PLCB1: variants seen among roughly 807,000 people sequenced by gnomAD.
PLCB1 encodes 1-phosphatidylinositol 4,5-bisphosphate phosphodiesterase beta-1.
PLCB1 carries 46 observed loss-of-function variants against 161.8 expected under a neutral mutation model. The ratio of observed to expected loss-of-function variants is 0.28; its 90% CI spans 0.22 to 0.36. The LOEUF is 0.36. PLCB1 is among the 10% of genes least tolerant of loss of function. The pLI is 1.00. For missense variants in PLCB1, 1,016 were observed against 1,472.5 expected (o/e 0.69, Z 5.07); for synonymous variants, 517 against 503.7 (o/e 1.03, Z -0.35).
intron 31 of PLCB1, among the ~76,000 whole-genome samples, chr20:8,804,747 T>G (rs1416077557): frequency 6.6e-6 from 1 of 152,102 alleles, no homozygotes; most frequent in Non-Finnish European, 1.5e-5. Flanking sequence ...CTCAGCACTT[T>G]GGGAGGCCGA....
At chr20:8,594,003 G>A (rs1987241930) in intron 3 of PLCB1, among the ~76,000 whole-genome samples, 1 of 152,058 alleles carries the variant, frequency 6.6e-6, no homozygotes, top group Admixed American at 6.6e-5. Flanking sequence ...TCCACCCTCA[G>A]CCTCCTAAGT....
intron 2 of PLCB1, among the ~76,000 whole-genome samples, chr20:8,286,889 A>T (rs1983146635): frequency 6.6e-6 from 1 of 152,108 alleles, no homozygotes; most frequent in African/African-American, 2.4e-5. Context: ...TTTGGCCTGG[A>T]CAGGGTGAAA....
At chr20:8,542,274 A>T (rs3817879) in intron 3 of PLCB1, among the ~76,000 whole-genome samples, 3 of 152,064 alleles carry the variant, frequency 2.0e-5, no homozygotes, top group Non-Finnish European at 4.4e-5. Flanking sequence ...TTGTCTAAGC[A>T]GAAAGGGTAG....
intron 4 of PLCB1, among the ~76,000 whole-genome samples, chr20:8,644,248 G>C (rs1989066329): frequency 6.6e-6 from 1 of 151,954 alleles, no homozygotes; most frequent in African/African-American, 2.4e-5. Flanking sequence ...GTCTCTGCCT[G>C]GCCGCCCATC....
chr20:8,677,183 C>T (rs912332837), intron 9 of PLCB1, among the ~76,000 whole-genome samples: 15 of 152,062 alleles, frequency 9.9e-5, no homozygotes, highest in Non-Finnish European at 1.8e-4. Flanking sequence ...CACCTGAGGT[C>T]GGGAGTTTGA....
At chr20:8,472,949 G>A (rs2294554) in intron 3 of PLCB1, among the ~76,000 whole-genome samples, 33,387 of 151,966 alleles carry the variant, frequency 0.22, 3,972 homozygotes, top group Non-Finnish European at 0.28. Flanking sequence ...TCACATGGCC[G>A]GCATTCTTCC....
At chr20:8,376,634 AAG>A (rs1373749056) in intron 3 of PLCB1, among the ~76,000 whole-genome samples, 1 of 152,158 alleles carries the variant, frequency 6.6e-6, no homozygotes, top group Non-Finnish European at 1.5e-5. Flanking sequence ...GGTCTTAAAA[AAG>A]AAAAGAAATC....
At chr20:8,136,393 G>A (rs1299512835) in intron 1 of PLCB1, among the ~76,000 whole-genome samples, 6 of 152,252 alleles carry the variant, frequency 3.9e-5, no homozygotes, top group Admixed American at 2.0e-4. Context: ...TTGGGAAGCC[G>A]AGGCGGGCAG....
chr20:8,228,882 T>A (rs2123178409), intron 2 of PLCB1, among the ~76,000 whole-genome samples: 1 of 152,284 alleles, frequency 6.6e-6, no homozygotes, highest in South Asian at 2.1e-4. Flanking sequence ...AAGCTCACAA[T>A]TTGTTTTGTT....
At chr20:8,689,422 C>T (rs1402528982) in intron 10 of PLCB1, among the ~76,000 whole-genome samples, 9 of 152,026 alleles carry the variant, frequency 5.9e-5, no homozygotes, top group African/African-American at 1.7e-4. Context: ...GTTTTGTTCC[C>T]GTTCTCAGGA....
At position 8,784,119 on chromosome 20, in the gene PLCB1, A is replaced by C. The variant is rs1307169000; in HGVS notation, c.3112-4330A>C. ...CCATATAAAATCCCATTGCCAATTT[A>C]ATGTGAGTTGGGCGGTAGTGGCATA... is the stretch of plus-strand genomic sequence containing the variant. On this transcript the variant is annotated intron_variant, in intron 27 of 31. Coordinates refer to ENST00000338037, the MANE Select transcript of PLCB1 (RefSeq NM_015192.4). 2.6e-5 allele frequency among the ~76,000 whole-genome samples: 4 copies of C among 152,214 alleles called. No homozygotes were observed. The East Asian group carries it at 5.8e-4, about 22-fold the overall frequency.
intron 3 of PLCB1, among the ~76,000 whole-genome samples, chr20:8,569,453 G>A (rs1284248051): frequency 1.3e-5 from 2 of 152,132 alleles, no homozygotes; most frequent in East Asian, 3.9e-4. Context: ...GCAGGGTACT[G>A]TTGGTACTAA....
chr20:8,391,183 G>A (rs950530395), intron 3 of PLCB1, among the ~76,000 whole-genome samples: 3 of 151,010 alleles, frequency 2.0e-5, no homozygotes, highest in African/African-American at 7.3e-5. Context: ...TATAATCTAT[G>A]TATAAGAGAT....
intron 3 of PLCB1, among the ~76,000 whole-genome samples, chr20:8,599,515 C>T (rs1158340792): frequency 8.0e-6 from 1 of 125,052 alleles, no homozygotes; most frequent in Admixed American, 7.9e-5. Flanking sequence ...CGACCTTTCT[C>T]TCTGGCTGCC....
chr20:8,341,790 A>G (rs910185710), intron 2 of PLCB1, among the ~76,000 whole-genome samples: 1 of 152,218 alleles, frequency 6.6e-6, no homozygotes, highest in African/African-American at 2.4e-5. Context: ...ATGACCTGCT[A>G]TGTGCTAATT....
In PLCB1 at chr20:8,881,742, GC is replaced by G. The variant is rs2146337666; in HGVS notation, c.3548del (p.Pro1183LeufsTer11). The G allele has an allele frequency of 6.2e-7, 1 of 1,614,042 alleles. No homozygotes were observed. The highest frequency in any genetic ancestry group is 8.5e-7 in the Non-Finnish European group (1 of 1,179,952). ...CAGTGAAGACAGCAATCACGGTTCT[GC>G]CCCTCTCTCCCTGTCCTCAGACCCT... ...KISEDSNHGS[A>X]PLSLSSDPGK... On this transcript the variant is annotated frameshift_variant, in exon 32 of 32. Coordinates refer to ENST00000338037, the MANE Select transcript of PLCB1 (RefSeq NM_015192.4). LOFTEE classifies it high-confidence loss of function.
chr20:8,195,573 T>C (rs910285114), intron 2 of PLCB1, among the ~76,000 whole-genome samples: 41 of 152,080 alleles, frequency 2.7e-4, no homozygotes, highest in Non-Finnish European at 8.8e-5. Context: ...AAAATTAACA[T>C]TGGTACAATA....
chr20:8,755,194 G>A (rs986021216), intron 23 of PLCB1, among the ~76,000 whole-genome samples: 4 of 152,134 alleles, frequency 2.6e-5, no homozygotes, highest in South Asian at 4.1e-4. Context: ...ATCACTTAAT[G>A]CAGTTTTGGA....
At chr20:8,256,737 T>C (rs1362304013) in intron 2 of PLCB1, 2 of 152,078 alleles carry the variant, frequency 1.3e-5, no homozygotes, top group Admixed American at 6.6e-5. Context: ...ATTGGAGCAA[T>C]ATAAAGAAAT....
Sources: gnomAD v4.1 joint callset for allele counts (sites outside exome capture counted in the v4.1 genomes callset) on GRCh38, gnomAD v4.1.1 for gene constraint, MANE v1.5 for transcripts, NCBI Gene and HGNC (gene_info 2026-07-23, HGNC 2026-07-21) for gene names.